Variants in UGT1A9 observed in about 807,000 individuals in gnomAD.
The protein encoded by UGT1A9 is UDP-glucuronosyltransferase 1A9.
In UGT1A9, 35 loss-of-function variants were observed where a neutral mutation model predicts 45.0. The observed-to-expected ratio is 0.78, with a 90% CI of 0.59 to 1.03. The LOEUF (loss-of-function observed/expected upper bound fraction) is 1.03. Among genes scored for constraint, UGT1A9 ranks in the 50% least tolerant of loss-of-function variants. UGT1A9 has a pLI of 0.00. For missense variants in UGT1A9, 687 were observed against 666.6 expected, an observed-to-expected ratio of 1.03 and a Z score of -0.34; for synonymous variants, 278 against 250.6, an observed-to-expected ratio of 1.11 and a Z score of -1.03.
chr2:233,695,753 C>T (rs1452748853), intron 1 of UGT1A9, among the ~76,000 whole-genome samples: 1 of 152,168 alleles, frequency 6.6e-6, no homozygotes, highest in Non-Finnish European at 1.5e-5. Flanking sequence ...GACAGGTCTT[C>T]ATCCTTTTTT....
chr2:233,739,271 C>T lies in UGT1A9; in HGVS notation c.856-27763C>T, dbSNP rs541301086. ...GTGGTAAAGAAATGTGAGGTTGGAG[C>T]CCCCACACAGAGTCTCCACTGGGGC... On this transcript the variant is annotated intron_variant, in intron 1 of 4. Coordinates refer to ENST00000354728, the MANE Select transcript of UGT1A9 (RefSeq NM_021027.3). Among the ~76,000 whole-genome samples, 6 of 152,262 alleles carry T rather than the reference C, an allele frequency of 3.9e-5. No individual in the cohort carries two copies. The East Asian group carries it at 1.2e-3, about 29-fold the overall frequency.
intron 1 of UGT1A9, among the ~76,000 whole-genome samples, chr2:233,744,831 G>A (rs1406769887): frequency 6.6e-6 from 1 of 151,816 alleles, no homozygotes; most frequent in African/African-American, 2.4e-5. Flanking sequence ...TTTGAGAATC[G>A]CTAGTCTAGC....
intron 4 of UGT1A9, 143 bp downstream of exon 4, chr2:233,768,582 CTTTTT>C: frequency 1.9e-3 from 1,917 of 1,027,810 alleles, no homozygotes; most frequent in East Asian, 5.4e-3. Flanking sequence ...TTTATTTCTT[CTTTTT>C]TTTTTTTTTT....
At chr2:233,682,676 C>T (rs1379122920) in intron 1 of UGT1A9, 16 of 1,613,750 alleles carry the variant, frequency 9.9e-6, no homozygotes, top group Non-Finnish European at 1.3e-5. Flanking sequence ...TCTCTACAGC[C>T]ACACATCAAT....
At chr2:233,687,620 A>C (rs1165717277) in intron 1 of UGT1A9, among the ~76,000 whole-genome samples, 2 of 151,448 alleles carry the variant, frequency 1.3e-5, no homozygotes, top group African/African-American at 4.8e-5. Flanking sequence ...AAAGAAAAAA[A>C]GGCTGAGTGT....
Position 233,729,398 on chromosome 2 carries a change from G to C in UGT1A9, c.856-37636G>C, listed in dbSNP as rs540607993. The C allele has an allele frequency of 2.5e-6, 4 of 1,613,536 alleles. No homozygotes were observed. The Admixed American group carries it at 5.0e-5, about 20-fold the overall frequency. ...TCGTGGACCCAGGATGAATTTGATCGCCATGTGCTGGGCCACACTCAACTG... is the reference window on the plus strand; with the variant it reads ...TCGTGGACCCAGGATGAATTTGATCCCCATGTGCTGGGCCACACTCAACTG... On this transcript the variant is annotated intron_variant, in intron 1 of 4. Transcript: ENST00000354728.
intron 1 of UGT1A9, among the ~76,000 whole-genome samples, chr2:233,757,539 T>TATATAC (rs762018928): frequency 5.2e-5 from 6 of 115,748 alleles, no homozygotes; most frequent in African/African-American, 1.5e-4. Flanking sequence ...GTAAGGAATA[T>TATATAC]ATATATATAT....
At chr2:233,724,313 C>A (rs1238022468) in intron 1 of UGT1A9, among the ~76,000 whole-genome samples, 22 of 136,830 alleles carry the variant, frequency 1.6e-4, no homozygotes, top group Non-Finnish European at 2.9e-4. Context: ...CCCTCCCGGA[C>A]GGGGCGGCTG....
At chr2:233,755,051 C>A in intron 1 of UGT1A9, 1 of 1,331,262 alleles carries the variant, frequency 7.5e-7, no homozygotes, top group East Asian at 4.6e-5. Flanking sequence ...AGCCGCCCTC[C>A]GCCCTCGCCT....
intron 1 of UGT1A9, chr2:233,692,360 A>G (rs2125551379): frequency 6.4e-6 from 1 of 155,082 alleles, no homozygotes; most frequent in South Asian, 2.0e-4. Context: ...TCTGTGAGCC[A>G]TTCTAGCAAA....
intron 1 of UGT1A9, chr2:233,681,921 T>C (rs753348278): frequency 1.6e-5 from 26 of 1,605,958 alleles, no homozygotes; most frequent in Non-Finnish European, 1.8e-5. Context: ...CTGCTGGCTC[T>C]GGGCTGAAGT....
At position 233,769,547 on chromosome 2, in the gene UGT1A9, G is replaced by A; in HGVS notation, c.1295+1108G>A. 1 of 1,612,856 alleles carries A rather than the reference G, an allele frequency of 6.2e-7. No individual in the cohort carries two copies. Among genetic ancestry groups the A allele is most frequent in the Non-Finnish European group, 8.5e-7 (1 of 1,179,826 alleles). On this transcript the variant is annotated intron_variant, in intron 4 of 4. Coordinates refer to ENST00000354728, the MANE Select transcript of UGT1A9 (RefSeq NM_021027.3). This position sits in a 1 kb window ranked among gnomAD's most constrained non-coding sequence, Gnocchi z 4.4. ...CTCCTTTAGAAAGAAGCAGCAGTCA[G>A]GAAGACAGATGTGAAGAGCTGGAGC...
At chr2:233,768,093 C>T in intron 3 of UGT1A9, 127 bp from the exon 4 acceptor site, 1 of 1,591,452 alleles carries the variant, frequency 6.3e-7, no homozygotes, top group Non-Finnish European at 8.6e-7. Context: ...CCCACATTTT[C>T]TTCTGCAAAT....
intron 1 of UGT1A9, among the ~76,000 whole-genome samples, chr2:233,673,716 A>G (rs555278299): frequency 1.3e-5 from 2 of 152,302 alleles, no homozygotes; most frequent in South Asian, 2.1e-4. Context: ...TATTGGGTAC[A>G]GGACAATTTT....
intron 1 of UGT1A9, among the ~76,000 whole-genome samples, chr2:233,679,987 A>G (rs931822429): frequency 2.0e-5 from 3 of 152,064 alleles, no homozygotes; most frequent in African/African-American, 7.2e-5. Context: ...TGTCTTCATG[A>G]ATCTTTTCTT....
chr2:233,757,560 A>ATATATATATATATATATG (rs904896556), intron 1 of UGT1A9, among the ~76,000 whole-genome samples: 7 of 123,144 alleles, frequency 5.7e-5, no homozygotes, highest in African/African-American at 1.7e-4. Context: ...ATATATATAT[A>ATATATATATATATATATG]TGTATATATG....
chr2:233,734,036 A>G (rs1235015147), intron 1 of UGT1A9, among the ~76,000 whole-genome samples: 1 of 152,130 alleles, frequency 6.6e-6, no homozygotes. Context: ...CAGCACACCA[A>G]CATGGCACAT....
At chr2:233,720,075 T>C (rs1197503417) in intron 1 of UGT1A9, among the ~76,000 whole-genome samples, 1 of 152,184 alleles carries the variant, frequency 6.6e-6, no homozygotes, top group Admixed American at 6.5e-5. Flanking sequence ...ATTAGAATTG[T>C]GGACATGATA....
intron 1 of UGT1A9, chr2:233,719,611 A>G: frequency 6.2e-7 from 1 of 1,613,980 alleles, no homozygotes; most frequent in Non-Finnish European, 8.5e-7. Flanking sequence ...TTTGTGATGG[A>G]CTACCCCAGG....
Sources: gnomAD v4.1 joint callset for allele counts (sites outside exome capture counted in the v4.1 genomes callset) on GRCh38, gnomAD v4.1.1 for gene constraint, Gnocchi (gnomAD v3.1) non-coding constraint, MANE v1.5 for transcripts, NCBI Gene and HGNC (gene_info 2026-07-23, HGNC 2026-07-21) for gene names.